The following AK4 variants were observed in gnomAD, a reference collection of about 807,000 sequenced individuals.
AK4 encodes the protein adenylate kinase 4.
AK4 carries 13 observed loss-of-function variants against 24.6 expected under a neutral mutation model. The observed-to-expected ratio is 0.53, with a 90% CI of 0.34 to 0.84. AK4 has a LOEUF of 0.84. Among genes scored for constraint, AK4 ranks in the 40% least tolerant of loss-of-function variants. The probability of loss-of-function intolerance (pLI) is 0.01; values close to 1 mark genes in which losing one functional copy is unlikely to be tolerated. For synonymous variants in AK4, 88 were observed against 107.0 expected (o/e 0.82, Z 1.10); for missense variants, 192 against 288.2 (o/e 0.67, Z 2.42).
chr1:65,175,246 G>A (rs540890596), intron 1 of AK4, among the ~76,000 whole-genome samples: 12 of 152,344 alleles, frequency 7.9e-5, no homozygotes, highest in African/African-American at 2.9e-4. Flanking sequence ...TGTCAGAAGA[G>A]TGTCCGCATC....
intron 2 of AK4, among the ~76,000 whole-genome samples, chr1:65,215,144 T>TTTTTCTTTTCTTTTCTTTTC (rs61257497): frequency 4.2e-4 from 63 of 150,064 alleles, no homozygotes; most frequent in African/African-American, 1.6e-3. Flanking sequence ...TCATTGATTT[T>TTTTTCTTTTCTTTTCTTTTC]TTTTCTTTTC....
At chr1:65,152,019 T>C (rs1201044209) in intron 1 of AK4, among the ~76,000 whole-genome samples, 1 of 151,414 alleles carries the variant, frequency 6.6e-6, no homozygotes, top group Admixed American at 6.7e-5. Flanking sequence ...TGTATGGGTA[T>C]GCACATGTAT....
At chr1:65,164,794 G>A (rs548559562) in intron 1 of AK4, among the ~76,000 whole-genome samples, 64 of 152,228 alleles carry the variant, frequency 4.2e-4, no homozygotes, top group African/African-American at 1.5e-3. Context: ...TGCTTTTGGT[G>A]TCATAGCTAA....
chr1:65,212,525 G>A (rs944260002), intron 2 of AK4, among the ~76,000 whole-genome samples: 2 of 152,024 alleles, frequency 1.3e-5, no homozygotes, highest in South Asian at 4.2e-4. Context: ...ATCTTGGTCT[G>A]TCACCTAGGC....
intron 1 of AK4, among the ~76,000 whole-genome samples, chr1:65,151,383 G>A (rs562139623): frequency 3.8e-4 from 58 of 152,294 alleles, no homozygotes; most frequent in African/African-American, 1.3e-3. Context: ...GTGCGTCAAT[G>A]TTCTAGGTGC....
In AK4 at chr1:65,181,163, G is replaced by C. The variant is rs58715619; in HGVS notation, c.146-9547G>C. 8.4e-3 allele frequency among the ~76,000 whole-genome samples: 1,270 copies of C among 150,326 alleles called. 22 individuals carry two copies. Among genetic ancestry groups the C allele is most frequent in the African/African-American group, 0.03 (1,215 of 40,712 alleles). The stretch of plus-strand genomic sequence containing the variant: ...GATACAGATGTGTGGGTGTGTGGGT[G>C]CTAGAAACAATAACAATTTTGTATC... On this transcript the variant is annotated intron_variant, in intron 1 of 4. Transcript: ENST00000327299.
At chr1:65,215,378 GC>G (rs1652100789) in intron 2 of AK4, among the ~76,000 whole-genome samples, 1 of 151,926 alleles carries the variant, frequency 6.6e-6, no homozygotes. Context: ...CACCAAGTTG[GC>G]CAGGATGGTC....
intron 1 of AK4, among the ~76,000 whole-genome samples, chr1:65,158,524 G>A (rs540577346): frequency 1.7e-4 from 26 of 151,918 alleles, no homozygotes; most frequent in Non-Finnish European, 3.4e-4. Context: ...TCTTTGAGGC[G>A]GAGCCTCAGT....
rs1215978064 is a variant in AK4 at position 65,190,782 on chromosome 1, T to C, written c.218T>C (p.Met73Thr). ...CCAGACCATGTGATCACACGCCTAA[T>C]GATGTCCGAGTTGGAGAACAGGCGT... Reference protein sequence around the residue: ...LVPDHVITRLMMSELENRRGQ... With the variant: ...LVPDHVITRLTMSELENRRGQ... Residue 73 changes from methionine to threonine, a missense_variant, in exon 2 of 5, where the codon ATG (methionine) becomes ACG (threonine). Transcript: ENST00000327299. 6.2e-7 allele frequency: 1 copy of C among 1,614,050 alleles called. No individual in the cohort carries two copies. The highest frequency in any genetic ancestry group is 8.5e-7 in the Non-Finnish European group (1 of 1,180,010).
At chr1:65,168,737 G>C (rs975465271) in intron 1 of AK4, among the ~76,000 whole-genome samples, 9 of 152,306 alleles carry the variant, frequency 5.9e-5, no homozygotes, top group Admixed American at 2.0e-4. Context: ...GTTTCAGAAC[G>C]TACCAGCTAC....
intron 2 of AK4, among the ~76,000 whole-genome samples, chr1:65,210,479 C>G (rs1323956894): frequency 6.6e-6 from 1 of 152,208 alleles, no homozygotes; most frequent in Non-Finnish European, 1.5e-5. Context: ...CCCTCCTCGC[C>G]ACATACACAT....
chr1:65,185,234 G>A (rs1436348822), intron 1 of AK4, among the ~76,000 whole-genome samples: 1 of 152,110 alleles, frequency 6.6e-6, no homozygotes, highest in East Asian at 1.9e-4. Flanking sequence ...GGCACGTAAG[G>A]CCCCGTGCGT....
chr1:65,232,135 T>G lies in AK4; in HGVS notation c.*5958T>G, dbSNP rs1318348771. Reference sequence around the variant, plus strand: ...TAGAAATAAAGTTTTTTTCTGCTTATAGCTAGCGAATTCATTTGTTTGTAT... The same window carrying G: ...TAGAAATAAAGTTTTTTTCTGCTTAGAGCTAGCGAATTCATTTGTTTGTAT... On this transcript the variant is annotated 3_prime_UTR_variant, in exon 5 of 5. Transcript: ENST00000327299. 1 of 152,260 alleles carries G rather than the reference T, an allele frequency of 6.6e-6. No individual in the cohort carries two copies. Among genetic ancestry groups the G allele is most frequent in the African/African-American group, 2.4e-5 (1 of 41,470 alleles). The allele number at this position is 152,260 out of a possible 1,614,324, so 9.4% of individuals were successfully genotyped here.
intron 2 of AK4, among the ~76,000 whole-genome samples, chr1:65,217,635 A>C (rs1570141300): frequency 6.6e-6 from 1 of 152,334 alleles, no homozygotes; most frequent in East Asian, 1.9e-4. Context: ...AGTTACATTT[A>C]AACAGGTCAA....
chr1:65,217,137 A>C (rs1652156530), intron 2 of AK4, among the ~76,000 whole-genome samples: 1 of 152,184 alleles, frequency 6.6e-6, no homozygotes, highest in Admixed American at 6.5e-5. Flanking sequence ...AAGGCTTTGG[A>C]GGAAGCATTG....
At chr1:65,184,732 A>T (rs1651028816) in intron 1 of AK4, among the ~76,000 whole-genome samples, 6 of 152,194 alleles carry the variant, frequency 3.9e-5, no homozygotes, top group Admixed American at 2.6e-4. Flanking sequence ...GTTTTCCGAA[A>T]TGGGCCTCAG....
chr1:65,190,886 A>C, intron 2 of AK4, 57 bp downstream of exon 2: 1 of 1,585,546 alleles, frequency 6.3e-7, no homozygotes, highest in Non-Finnish European at 8.6e-7. Flanking sequence ...AAGGTCTTGC[A>C]CACTCCCTTA....
At chr1:65,189,152 C>A (rs1325542121) in intron 1 of AK4, among the ~76,000 whole-genome samples, 1 of 151,766 alleles carries the variant, frequency 6.6e-6, no homozygotes, top group Non-Finnish European at 1.5e-5. Context: ...CCAGGCTGGT[C>A]TCGAACTCTT....
intron 4 of AK4, 115 bp from the exon 5 acceptor site, chr1:65,225,948 G>C: frequency 9.2e-7 from 1 of 1,081,180 alleles, no homozygotes; most frequent in Non-Finnish European, 1.3e-6. Context: ...TTAGCACTTA[G>C]TGTGGTATAT....
Sources: allele counts gnomAD v4.1 joint callset (sites outside exome capture counted in the v4.1 genomes callset), GRCh38; gene constraint gnomAD v4.1.1; transcripts MANE v1.5; gene names NCBI Gene and HGNC (gene_info 2026-07-23, HGNC 2026-07-21).